Variants in PADI6 observed in about 807,000 individuals in gnomAD.
PADI6 encodes the protein peptidyl arginine deiminase 6.
A neutral mutation model predicts 78.2 loss-of-function variants in PADI6; 66 were observed. The observed-to-expected ratio is 0.84, with a 90% CI of 0.69 to 1.04. PADI6 has a LOEUF of 1.04. Among genes scored for constraint, PADI6 ranks in the 50% least tolerant of loss-of-function variants. The pLI is 0.00. For missense variants in PADI6, 854 were observed against 866.1 expected (o/e 0.99, Z 0.18); for synonymous variants, 397 against 346.9 (o/e 1.14, Z -1.60).
At position 17,381,151 on chromosome 1, in the gene PADI6, G is replaced by T. The variant is rs752598489; in HGVS notation, c.540G>T (p.Val180=). Residue 180 remains valine (V), a synonymous_variant, in exon 5 of 16, where the codon GTG becomes GTT. Coordinates refer to ENST00000619609, the MANE Select transcript of PADI6 (RefSeq NM_207421.4). ...TTGAGGACAAGAAAACCAAGAAAGT[G>T]ATCTTTTCAGAGGGTAGGACCTCAG... The part of the protein sequence containing the change: ...QQLEDKKTKK[V]IFSEEITNLS... 1.2e-6 allele frequency: 2 copies of T among 1,602,168 alleles called. No homozygotes were observed. The highest frequency in any genetic ancestry group is 1.7e-6 in the Non-Finnish European group (2 of 1,174,408).
intron 1 of PADI6, 129 bp from the exon 2 acceptor site, chr1:17,372,927 C>A (rs1033303908): frequency 8.1e-6 from 8 of 985,342 alleles, no homozygotes; most frequent in Non-Finnish European, 1.0e-5. Context: ...AATAAGGACC[C>A]CAGACCACTC....
In PADI6 at chr1:17,401,679, A is replaced by T; in HGVS notation, c.*241A>T. On this transcript the variant is annotated 3_prime_UTR_variant, in exon 16 of 16. Coordinates refer to ENST00000619609, the MANE Select transcript of PADI6 (RefSeq NM_207421.4). ...GTGACGTTTACTAAATAGCCAATAA[A>T]GGGCTGGTGGGTGTGAATGCATCTT... 2.0e-6 allele frequency: 1 copy of T among 509,584 alleles called. No homozygotes were observed. The highest frequency in any genetic ancestry group is 3.5e-6 in the Non-Finnish European group (1 of 282,934). 31.6% of individuals were successfully genotyped at this position (509,584 alleles called of 1,614,324 possible). A position where few individuals can be genotyped will look rare whatever the true frequency, so the allele number is the denominator to read the frequency against.
chr1:17,382,542 G>T (rs940023191), intron 6 of PADI6, among the ~76,000 whole-genome samples: 2 of 152,186 alleles, frequency 1.3e-5, no homozygotes, highest in Admixed American at 6.5e-5. Context: ...GGTAGCACCT[G>T]CATCCCAGCC....
At chr1:17,386,213 T>G (rs1034958088) in intron 6 of PADI6, among the ~76,000 whole-genome samples, 2 of 152,188 alleles carry the variant, frequency 1.3e-5, no homozygotes, top group African/African-American at 4.8e-5. Context: ...AACAAATGCC[T>G]GCTTCAAAGG....
Position 17,388,459 on chromosome 1 carries a change from T to C in PADI6, c.758T>C (p.Leu253Ser), listed in dbSNP as rs1557603411. The C allele has an allele frequency of 1.9e-6, 3 of 1,613,798 alleles. No individual in the cohort carries two copies. Among genetic ancestry groups the C allele is most frequent in the Non-Finnish European group, 2.5e-6 (3 of 1,179,768 alleles). The change falls in exon 7 of 16, where the codon TTG (leucine) becomes TCG (serine). Residue 253 changes from leucine (L) to serine (S), a missense_variant. Leu to Ser is a moderately radical substitution (Grantham distance 145). Transcript: ENST00000619609. Reference sequence around the variant, plus strand: ...ACCTTGGCCCTCCTCGGGAACCACTTGAAGGAGACTTTCTACGTTGAAGCT... The same window carrying C: ...ACCTTGGCCCTCCTCGGGAACCACTCGAAGGAGACTTTCTACGTTGAAGCT... ...AYTLALLGNH[L>S]KETFYVEAIA... is the part of the protein sequence containing the mutation.
At chr1:17,394,165 G>C (rs575136493) in intron 10 of PADI6, 83 bp downstream of exon 10, 3 of 1,548,438 alleles carry the variant, frequency 1.9e-6, no homozygotes, top group Admixed American at 3.5e-5. Context: ...GGCACCAAGT[G>C]GGGAGAGGGC....
intron 8 of PADI6, among the ~76,000 whole-genome samples, chr1:17,390,571 T>C (rs80151145): frequency 0.093 from 13,635 of 146,502 alleles, 639 homozygotes; most frequent in Middle Eastern, 0.15. Flanking sequence ...ACCACTGTAC[T>C]CCAGCCTGGG....
chr1:17,375,236 T>C (rs557429433), intron 2 of PADI6, among the ~76,000 whole-genome samples, 191 bp from the exon 3 acceptor site: 196 of 152,212 alleles, frequency 1.3e-3, no homozygotes, highest in Non-Finnish European at 2.6e-3. Context: ...TCATGGCAGG[T>C]TCTAAGTCCT....
chr1:17,385,105 A>G (rs558574072), intron 6 of PADI6, among the ~76,000 whole-genome samples: 1 of 152,312 alleles, frequency 6.6e-6, no homozygotes, highest in South Asian at 2.1e-4. Flanking sequence ...CACACCTGTA[A>G]TCCCAGCACT....
intron 4 of PADI6, 90 bp downstream of exon 4, chr1:17,380,077 G>A: frequency 7.6e-7 from 1 of 1,308,016 alleles, no homozygotes; most frequent in African/African-American, 1.4e-5. Flanking sequence ...CTCGTGTCTA[G>A]CCCAATTGCT....
intron 1 of PADI6, among the ~76,000 whole-genome samples, chr1:17,372,843 G>A (rs921556127): frequency 6.6e-6 from 1 of 151,988 alleles, no homozygotes; most frequent in African/African-American, 2.4e-5. Context: ...CTGCAGTGTC[G>A]GTAGCGGGAT....
chr1:17,400,331 G>A (rs1270837623), intron 15 of PADI6, among the ~76,000 whole-genome samples: 1 of 151,896 alleles, frequency 6.6e-6, no homozygotes, highest in African/African-American at 2.4e-5. Context: ...CTTACATGGA[G>A]AAACTGTCTT....
chr1:17,399,510 G>A (rs1358655797), intron 15 of PADI6, among the ~76,000 whole-genome samples: 1 of 151,986 alleles, frequency 6.6e-6, no homozygotes. Flanking sequence ...CAGGAGAATT[G>A]CTTGAACCCC....
chr1:17,380,317 C>G (rs1420250127), intron 4 of PADI6, among the ~76,000 whole-genome samples: 1 of 152,158 alleles, frequency 6.6e-6, no homozygotes, highest in East Asian at 1.9e-4. Flanking sequence ...TCAAGTAATT[C>G]TCCTGCCTCA....
intron 14 of PADI6, among the ~76,000 whole-genome samples, chr1:17,398,397 G>T (rs940816221): frequency 6.6e-6 from 1 of 152,140 alleles, no homozygotes; most frequent in Admixed American, 6.5e-5. Flanking sequence ...AGATGCCTGG[G>T]TATTGGGCTC....
intron 3 of PADI6, among the ~76,000 whole-genome samples, chr1:17,377,957 C>T (rs2100290500): frequency 6.6e-6 from 1 of 152,306 alleles, no homozygotes; most frequent in Admixed American, 6.5e-5. Context: ...ACGAGTAACC[C>T]TGCACTGCCT....
At position 17,372,223 on chromosome 1, in the gene PADI6, A is replaced by G; in HGVS notation, c.-23A>G. 6.2e-7 allele frequency: 1 copy of G among 1,605,218 alleles called. No individual in the cohort carries two copies. The highest frequency in any genetic ancestry group is 1.7e-5 in the Admixed American group (1 of 60,004). ...GCGTCTGAGGCTGCTGTGCTGAGTGAGGGCTGCGGTGCAGGCCTGAGGATG... is the reference window on the plus strand; with the variant it reads ...GCGTCTGAGGCTGCTGTGCTGAGTGGGGGCTGCGGTGCAGGCCTGAGGATG... On this transcript the variant is annotated 5_prime_UTR_variant, in exon 1 of 16. Transcript: ENST00000619609.
intron 9 of PADI6, among the ~76,000 whole-genome samples, chr1:17,393,459 C>T (rs2075211739): frequency 6.6e-6 from 1 of 152,174 alleles, no homozygotes; most frequent in Non-Finnish European, 1.5e-5. Context: ...GCAGAGCTGA[C>T]TCAGAATGTA....
chr1:17,397,817 A>G (rs2075261242), intron 14 of PADI6, among the ~76,000 whole-genome samples: 1 of 152,198 alleles, frequency 6.6e-6, no homozygotes. Flanking sequence ...GTTGCTCATT[A>G]TACTCAAGCT....
Sources: gnomAD v4.1 joint callset for allele counts (sites outside exome capture counted in the v4.1 genomes callset) on GRCh38, gnomAD v4.1.1 for gene constraint, MANE v1.5 for transcripts, NCBI Gene and HGNC (gene_info 2026-07-23, HGNC 2026-07-21) for gene names.